Variants in NWD1 observed in about 807,000 individuals in gnomAD.
NWD1 encodes NACHT domain- and WD repeat-containing protein 1.
A neutral mutation model predicts 135.1 loss-of-function variants in NWD1; 129 were observed. The observed-to-expected ratio is 0.96, with a 90% CI of 0.83 to 1.11. The LOEUF is 1.11. Ranked by LOEUF, NWD1 falls within the 50% of genes least tolerant of loss-of-function variation. The pLI, the probability that NWD1 is intolerant of heterozygous loss-of-function variation, is 0.00. For synonymous variants in NWD1, 773 were observed against 786.0 expected (o/e 0.98, Z 0.28); for missense variants, 1,740 against 1,851.3 (o/e 0.94, Z 1.10).
intron 5 of NWD1, among the ~76,000 whole-genome samples, chr19:16,748,844 G>GAAGAAT (rs1263174180): frequency 1.3e-5 from 2 of 151,874 alleles, no homozygotes; most frequent in East Asian, 1.9e-4. Context: ...ATAATAAGAA[G>GAAGAAT]AAGAATAAGA....
chr19:16,741,201 G>A (rs1326222690), intron 4 of NWD1, among the ~76,000 whole-genome samples: 2 of 151,976 alleles, frequency 1.3e-5, no homozygotes, highest in African/African-American at 2.4e-5. Context: ...ATCCCCCTTC[G>A]CTGTCCCTCT....
chr19:16,727,316 C>T (rs1327307710), intron 2 of NWD1: 1 of 152,318 alleles, frequency 6.6e-6, no homozygotes, highest in Non-Finnish European at 1.5e-5. Context: ...GTCTAATATC[C>T]CTCCATGAGT....
At chr19:16,751,490 AAGG>A (rs1186159263) in intron 6 of NWD1, among the ~76,000 whole-genome samples, 7 of 150,946 alleles carry the variant, frequency 4.6e-5, no homozygotes, top group African/African-American at 1.7e-4. Context: ...GAAAGGAAGG[AAGG>A]AAGGAAGGGA....
intron 10 of NWD1, among the ~76,000 whole-genome samples, chr19:16,766,581 T>G (rs1969231723): frequency 8.0e-6 from 1 of 124,906 alleles, no homozygotes; most frequent in Admixed American, 8.1e-5. Flanking sequence ...GCAAAATACA[T>G]GTCTTAACCA....
intron 13 of NWD1, among the ~76,000 whole-genome samples, 163 bp downstream of exon 13, chr19:16,789,353 CA>C (rs1970165330): frequency 6.6e-6 from 1 of 152,112 alleles, no homozygotes; most frequent in African/African-American, 2.4e-5. Flanking sequence ...TTTCAGACTT[CA>C]TAGTTGGATT....
chr19:16,800,966 C>G (rs1410314876), intron 17 of NWD1, among the ~76,000 whole-genome samples: 1 of 151,908 alleles, frequency 6.6e-6, no homozygotes, highest in African/African-American at 2.4e-5. Flanking sequence ...GATGCCATTT[C>G]TACTAAAAAT....
intron 17 of NWD1, among the ~76,000 whole-genome samples, chr19:16,806,284 C>A (rs1388338427): frequency 2.0e-5 from 3 of 152,140 alleles, no homozygotes; most frequent in Non-Finnish European, 4.4e-5. Context: ...AGCAGTGCCC[C>A]CACCTTCATT....
At position 16,763,813 on chromosome 19, in the gene NWD1, C is replaced by T. The variant is rs1381286737; in HGVS notation, c.2134-15C>T. The T allele has an allele frequency of 1.3e-6, 2 of 1,559,544 alleles. No homozygotes were observed. The highest frequency in any genetic ancestry group is 1.1e-5 in the South Asian group (1 of 89,826). ...GGTTTGTGTCCAAGCTGCAGTCTCC[C>T]TTCTCCTCTGCCAGGTGGCCCCGCA... On this transcript the variant is annotated splice_polypyrimidine_tract_variant and intron_variant, in intron 8 of 18. Coordinates refer to ENST00000524140, the MANE Select transcript of NWD1 (RefSeq NM_001007525.5).
At chr19:16,734,161 A>C (rs1967693309) in intron 3 of NWD1, among the ~76,000 whole-genome samples, 1 of 151,636 alleles carries the variant, frequency 6.6e-6, no homozygotes, top group Non-Finnish European at 1.5e-5. Context: ...GCCAAACTAA[A>C]CACCCTCCTT....
At chr19:16,746,040 A>G (rs1366394105) in intron 5 of NWD1, among the ~76,000 whole-genome samples, 4 of 152,176 alleles carry the variant, frequency 2.6e-5, no homozygotes, top group Non-Finnish European at 5.9e-5. Flanking sequence ...CCAAAACGTA[A>G]CTACTAATAG....
At chr19:16,736,793 G>A (rs1967837651) in intron 4 of NWD1, 43 bp downstream of exon 4, 2 of 1,135,654 alleles carry the variant, frequency 1.8e-6, no homozygotes, top group Non-Finnish European at 2.6e-6. Context: ...ACTCCTCCAG[G>A]ATATGCCCCC....
intron 5 of NWD1, chr19:16,745,065 A>G (rs1420147580): frequency 1.0e-5 from 5 of 485,278 alleles, no homozygotes; most frequent in Middle Eastern, 4.2e-4. Flanking sequence ...TAATGGACTC[A>G]CAATTCCACA....
rs1969032194 is a variant in NWD1, at chr19:16,762,011, T to A, written c.2006T>A (p.Leu669Gln). 6.2e-7 allele frequency: 1 copy of A among 1,613,938 alleles called. No individual in the cohort carries two copies. Among genetic ancestry groups the A allele is most frequent in the Non-Finnish European group, 8.5e-7 (1 of 1,179,986 alleles). Reference protein sequence around the residue: ...QLVEVVRERYLSGSERAKRHG... With the variant: ...QLVEVVRERYQSGSERAKRHG... ...GTCGAGGTGGTCCGTGAGCGCTACC[T>A]GTCAGGATCCGAGAGAGCCAAGAGG... Residue 669 changes from leucine (L) to glutamine (Q), a missense_variant, in exon 8 of 19, where the codon CTG (leucine) becomes CAG (glutamine). Transcript: ENST00000524140.
chr19:16,791,716 CTT>C, intron 14 of NWD1, 94 bp downstream of exon 14: 1 of 1,307,390 alleles, frequency 7.6e-7, no homozygotes, highest in South Asian at 1.3e-5. Context: ...TGCCTTGTAT[CTT>C]TGTTTTGTTT....
chr19:16,789,717 T>C (rs1568382539), intron 13 of NWD1, among the ~76,000 whole-genome samples: 2 of 60,230 alleles, frequency 3.3e-5, no homozygotes, highest in African/African-American at 7.5e-5. Flanking sequence ...CCTCTCTCTC[T>C]TTTTTTTTTT....
At chr19:16,722,205 G>A (rs147952603) in intron 1 of NWD1, among the ~76,000 whole-genome samples, 4,698 of 151,794 alleles carry the variant, frequency 0.031, 267 homozygotes, top group African/African-American at 0.11. Context: ...AGGCTGAGGT[G>A]GGAGGATCAC....
intron 15 of NWD1, among the ~76,000 whole-genome samples, chr19:16,795,136 G>A (rs757394915): frequency 2.6e-5 from 4 of 152,246 alleles, no homozygotes; most frequent in Non-Finnish European, 5.9e-5. Flanking sequence ...CAAGCTGGGA[G>A]CAGGGGGCAC....
At chr19:16,805,038 TTTTTA>T (rs1043620298) in intron 17 of NWD1, among the ~76,000 whole-genome samples, 5 of 151,456 alleles carry the variant, frequency 3.3e-5, no homozygotes, top group South Asian at 2.1e-4. Flanking sequence ...TTTATTTTTA[TTTTTA>T]TTTTATTTTA....
At chr19:16,773,054 C>A in intron 10 of NWD1, 72 bp from the exon 11 acceptor site, 2 of 1,298,680 alleles carry the variant, frequency 1.5e-6, no homozygotes, top group Non-Finnish European at 2.2e-6. Context: ...CTGCAGGGAG[C>A]AGAGACTCAA....
Sources: gnomAD v4.1 joint callset for allele counts (sites outside exome capture counted in the v4.1 genomes callset) on GRCh38, gnomAD v4.1.1 for gene constraint, MANE v1.5 for transcripts, NCBI Gene and HGNC (gene_info 2026-07-23, HGNC 2026-07-21) for gene names.